The following ZNF469 variants were observed in gnomAD, a reference collection of about 807,000 sequenced individuals.
The protein encoded by ZNF469 is zinc finger protein 469.
A neutral mutation model predicts 1.0 loss-of-function variants in ZNF469; 1 was observed. That is an observed-to-expected ratio of 1.00 (90% CI 0.35 to 4.73). The LOEUF (loss-of-function observed/expected upper bound fraction) is 4.73. Ranked by LOEUF, ZNF469 falls within the 30% of genes most tolerant of loss-of-function variation. ZNF469 has a pLI of 0.16. For missense variants in ZNF469, 6,100 were observed against 5,356.3 expected (o/e 1.14, Z -4.33); for synonymous variants, 2,703 against 2,363.4 (o/e 1.14, Z -4.17).
At chr16:88,177,563 G>C in the ZNF469 span, 1 of 152,230 alleles carries the variant, frequency 6.6e-6, no homozygotes, top group South Asian at 2.1e-4. This position sits in a 1 kb window ranked among gnomAD's most constrained non-coding sequence, Gnocchi z 4.8. Flanking sequence ...CTGGGGATGT[G>C]CCCCTGACAC....
the ZNF469 span, among the ~76,000 whole-genome samples, chr16:88,282,576 T>A: frequency 6.6e-6 from 1 of 151,936 alleles, no homozygotes; most frequent in Non-Finnish European, 1.5e-5. Flanking sequence ...GAGGGGAGTG[T>A]GTATAAGAGC....
intron 1 of ZNF469, among the ~76,000 whole-genome samples, chr16:88,387,340 G>T (rs536262191): frequency 1.3e-5 from 2 of 152,314 alleles, no homozygotes; most frequent in East Asian, 3.9e-4. Flanking sequence ...CTTGGTCTGG[G>T]TTCACCAGGC....
chr16:88,409,253 C>T (rs1000326817), intron 1 of ZNF469, among the ~76,000 whole-genome samples: 6 of 152,238 alleles, frequency 3.9e-5, no homozygotes, highest in African/African-American at 1.2e-4. Flanking sequence ...TGCAAAGAGG[C>T]GATGATGACG....
the ZNF469 span, among the ~76,000 whole-genome samples, chr16:88,341,782 G>C: frequency 2.0e-5 from 3 of 152,096 alleles, no homozygotes; most frequent in Non-Finnish European, 2.9e-5. Flanking sequence ...GGGGAGGATG[G>C]CTGGGGGCTG....
the ZNF469 span, among the ~76,000 whole-genome samples, chr16:88,328,306 G>C: frequency 6.6e-6 from 1 of 152,256 alleles, no homozygotes; most frequent in Non-Finnish European, 1.5e-5. Flanking sequence ...TCACTCTGCT[G>C]CTGACTGTGT....
rs1347487906 is a variant in ZNF469, at chr16:88,438,425, C to G, written c.10955C>G (p.Ser3652Ter). 6.5e-7 allele frequency: 1 copy of G among 1,550,160 alleles called. No homozygotes were observed. The highest frequency in any genetic ancestry group is 8.7e-7 in the Non-Finnish European group (1 of 1,146,958). ...HLLQKEKEVS[S>*]SHMVSEGGPR... ...CTTCAGAAAGAGAAGGAGGTGTCCT[C>G]AAGCCACATGGTGTCTGAGGGGGGG... The change falls in exon 3 of 3, where the codon TCA becomes TGA. Residue 3652 changes from serine (S) to a stop codon, truncating the protein, a stop_gained. Transcript: ENST00000565624. LOFTEE classifies it low-confidence loss of function (END_TRUNC).
chr16:88,104,826 G>A, the ZNF469 span, among the ~76,000 whole-genome samples: 1 of 152,300 alleles, frequency 6.6e-6, no homozygotes, highest in South Asian at 2.1e-4. Flanking sequence ...ACACCTGGAG[G>A]CCTCCAGCTA....
chr16:88,217,319 C>G, the ZNF469 span, among the ~76,000 whole-genome samples: 1 of 152,148 alleles, frequency 6.6e-6, no homozygotes, highest in African/African-American at 2.4e-5. Flanking sequence ...CAAACTCTAT[C>G]TCCTTTGAGC....
In ZNF469 at chr16:88,436,063, C is replaced by A; in HGVS notation, c.8593C>A (p.Pro2865Thr). ...GGTCTCTTTCTCCCAGCTCTTCCCT[C>A]CAGGCGGTCGCTTGACTAGAAAGAG... Reference protein sequence around the residue: ...DEVSFSQLFPPGGRLTRKRNP... With the variant: ...DEVSFSQLFPTGGRLTRKRNP... The change falls in exon 3 of 3, where the codon CCA becomes ACA. Residue 2865 changes from proline (P) to threonine (T), a missense_variant. Transcript: ENST00000565624. 6.5e-7 allele frequency: 1 copy of A among 1,550,224 alleles called. No homozygotes were observed. The highest frequency in any genetic ancestry group is 8.7e-7 in the Non-Finnish European group (1 of 1,146,990).
chr16:88,231,446 C>T, the ZNF469 span, among the ~76,000 whole-genome samples: 30 of 152,340 alleles, frequency 2.0e-4, no homozygotes, highest in African/African-American at 6.5e-4. The surrounding 1 kb of genome is among the most constrained non-coding windows in gnomAD (Gnocchi z 4.5). Flanking sequence ...GGGGCTGCGA[C>T]GAGATGACCA....
At chr16:88,216,928 GT>G in the ZNF469 span, among the ~76,000 whole-genome samples, 1,713 of 150,216 alleles carry the variant, frequency 0.011, 17 homozygotes, top group African/African-American at 0.039. Context: ...CTTCCTTTTA[GT>G]TTTTTTTTCT....
the ZNF469 span, among the ~76,000 whole-genome samples, chr16:88,249,268 C>T: frequency 8.9e-4 from 135 of 151,702 alleles, 1 homozygote; most frequent in African/African-American, 3.1e-3. Flanking sequence ...CAGGCTGTTG[C>T]TCAGGCTGGA....
the ZNF469 span, among the ~76,000 whole-genome samples, chr16:88,365,224 G>A: frequency 6.6e-6 from 1 of 152,194 alleles, no homozygotes; most frequent in Non-Finnish European, 1.5e-5. Flanking sequence ...AGCTAGGCCT[G>A]TGTGCCAGAT....
the ZNF469 span, among the ~76,000 whole-genome samples, chr16:88,274,988 A>T: frequency 2.0e-5 from 3 of 152,202 alleles, no homozygotes; most frequent in African/African-American, 7.2e-5. Context: ...TTTAAAAACT[A>T]AAAAGGAGCA....
the ZNF469 span, among the ~76,000 whole-genome samples, chr16:88,226,982 G>T: frequency 6.6e-6 from 1 of 151,414 alleles, no homozygotes; most frequent in Admixed American, 6.6e-5. Context: ...TCCGCGCCGG[G>T]GCCTGCGCGT....
the ZNF469 span, among the ~76,000 whole-genome samples, chr16:88,164,295 A>T: frequency 6.6e-6 from 1 of 151,586 alleles, no homozygotes; most frequent in Non-Finnish European, 1.5e-5. Context: ...GAATGAATGG[A>T]TGGGTGGATG....
At chr16:88,408,526 A>T (rs552716303) in intron 1 of ZNF469, among the ~76,000 whole-genome samples, 6 of 152,354 alleles carry the variant, frequency 3.9e-5, no homozygotes, top group African/African-American at 1.4e-4. Context: ...AGATTGAGGA[A>T]TGAGAGGGAG....
At chr16:88,242,633 C>T in the ZNF469 span, among the ~76,000 whole-genome samples, 2 of 152,144 alleles carry the variant, frequency 1.3e-5, no homozygotes, top group African/African-American at 4.8e-5. Flanking sequence ...CAGCCCAGAG[C>T]AGATGGGAGG....
At chr16:88,262,515 C>T in the ZNF469 span, among the ~76,000 whole-genome samples, 13 of 152,274 alleles carry the variant, frequency 8.5e-5, no homozygotes, top group East Asian at 1.7e-3. The surrounding 1 kb of genome is among the most constrained non-coding windows in gnomAD (Gnocchi z 4.3). Flanking sequence ...GAAGATGGGC[C>T]CTTCCATGGG....
Sources: gnomAD v4.1 joint callset for allele counts (sites outside exome capture counted in the v4.1 genomes callset) on GRCh38, gnomAD v4.1.1 for gene constraint, Gnocchi (gnomAD v3.1) non-coding constraint, MANE v1.5 for transcripts, NCBI Gene and HGNC (gene_info 2026-07-23, HGNC 2026-07-21) for gene names.